Variants in RIMS4 observed in about 807,000 individuals in gnomAD.
RIMS4 encodes regulating synaptic membrane exocytosis 4.
Under a neutral mutation model 29.0 loss-of-function variants are expected in RIMS4, and 9 were observed. The ratio of observed to expected loss-of-function variants is 0.31; its 90% CI spans 0.19 to 0.54. The LOEUF (loss-of-function observed/expected upper bound fraction) is 0.54. Among genes scored for constraint, RIMS4 ranks in the 20% least tolerant of loss-of-function variants. The probability of loss-of-function intolerance (pLI) is 0.94; values close to 1 mark genes in which losing one functional copy is unlikely to be tolerated. For missense variants in RIMS4, 193 were observed against 365.7 expected, an observed-to-expected ratio of 0.53 and a Z score of 3.85; for synonymous variants, 130 against 152.9, an observed-to-expected ratio of 0.85 and a Z score of 1.10.
Position 44,771,368 on chromosome 20 carries a change from G to A in RIMS4, c.143C>T (p.Thr48Met), listed in dbSNP as rs760125744. ...LKGAIQRSTE[T>M]GLAVEMPSRT... The stretch of plus-strand genomic sequence containing the variant: ...GCTGGGCATCTCCACTGCCAGGCCC[G>A]TCTCCGTGCTCCTCTGGATGGCCCC... The change falls in exon 2 of 6, where the codon ACG becomes ATG. Residue 48 changes from threonine to methionine, a missense_variant. Transcript: ENST00000372851. The A allele has an allele frequency of 1.2e-6, 2 of 1,613,722 alleles. No homozygotes were observed. Among genetic ancestry groups the A allele is most frequent in the African/African-American group, 1.3e-5 (1 of 74,948 alleles).
At chr20:44,804,661 C>T (rs2066290903) in intron 1 of RIMS4, among the ~76,000 whole-genome samples, 1 of 152,210 alleles carries the variant, frequency 6.6e-6, no homozygotes, top group Non-Finnish European at 1.5e-5. Context: ...TTCACCCCCA[C>T]TCAGCCTTCA....
chr20:44,772,396 T>G (rs1199373538), intron 1 of RIMS4, among the ~76,000 whole-genome samples: 1 of 152,218 alleles, frequency 6.6e-6, no homozygotes, highest in African/African-American at 2.4e-5. Flanking sequence ...TTGTTCACTC[T>G]TGAAGCCTCA....
intron 1 of RIMS4, among the ~76,000 whole-genome samples, chr20:44,774,379 G>A (rs377283942): frequency 4.6e-5 from 7 of 152,250 alleles, no homozygotes; most frequent in Admixed American, 3.9e-4. Context: ...AGTGGACTGG[G>A]AAAGGCAGAC....
intron 1 of RIMS4, among the ~76,000 whole-genome samples, chr20:44,805,579 T>G (rs1008213875): frequency 6.6e-6 from 1 of 152,032 alleles, no homozygotes; most frequent in Non-Finnish European, 1.5e-5. Flanking sequence ...GTCCTGACCA[T>G]GAAGGATATT....
chr20:44,810,125 C>G (rs1435808467), intron 1 of RIMS4, 50 bp downstream of exon 1: 1 of 1,244,434 alleles, frequency 8.0e-7, no homozygotes, highest in African/African-American at 1.5e-5. Flanking sequence ...GGCTACCGGA[C>G]CTGGATCCCG....
intron 1 of RIMS4, among the ~76,000 whole-genome samples, chr20:44,803,628 T>C (rs1387500741): frequency 6.7e-6 from 1 of 148,368 alleles, no homozygotes; most frequent in Non-Finnish European, 1.5e-5. Flanking sequence ...GACATCAGCC[T>C]CCTCAGTTTC....
Position 44,786,129 on chromosome 20 carries a change from G to A in RIMS4, c.98-14716C>T, listed in dbSNP as rs141024077. Among the ~76,000 whole-genome samples, 18 of 152,312 alleles carry A rather than the reference G, an allele frequency of 1.2e-4. No individual in the cohort carries two copies. In the East Asian group the frequency reaches 3.5e-3, roughly 29 times the overall value. ...TGCCCTACAGCCCCCTTTGAGAAGAGGTAGCAGAATCCCTGCTCAGTGGCA... is the reference window on the plus strand; with the variant it reads ...TGCCCTACAGCCCCCTTTGAGAAGAAGTAGCAGAATCCCTGCTCAGTGGCA... On this transcript the variant is annotated intron_variant, in intron 1 of 5. Transcript: ENST00000372851.
At chr20:44,776,630 A>G (rs2066161301) in intron 1 of RIMS4, among the ~76,000 whole-genome samples, 1 of 152,248 alleles carries the variant, frequency 6.6e-6, no homozygotes, top group Non-Finnish European at 1.5e-5. Flanking sequence ...TCTCAGGGCT[A>G]TGTGAGCACT....
intron 2 of RIMS4, among the ~76,000 whole-genome samples, chr20:44,770,763 T>C (rs988418176): frequency 6.6e-6 from 1 of 152,250 alleles, no homozygotes; most frequent in South Asian, 2.1e-4. Flanking sequence ...AAAGCAGTAG[T>C]ATACATTTTT....
chr20:44,759,260 T>C (rs1008663685), intron 2 of RIMS4, among the ~76,000 whole-genome samples: 1 of 152,110 alleles, frequency 6.6e-6, no homozygotes. Context: ...GGTTTTTGTT[T>C]TTTTTTTGAG....
intron 1 of RIMS4, among the ~76,000 whole-genome samples, chr20:44,774,369 A>G (rs113812239): frequency 0.018 from 2,740 of 152,270 alleles, 95 homozygotes; most frequent in African/African-American, 0.062. Flanking sequence ...CATTTGAGTC[A>G]GTGGACTGGG....
chr20:44,789,107 TTA>T (rs1406430429), intron 1 of RIMS4, among the ~76,000 whole-genome samples: 2 of 148,734 alleles, frequency 1.3e-5, no homozygotes, highest in Admixed American at 6.7e-5. Context: ...CACAGCAAGG[TTA>T]TGTCATGTGT....
intron 1 of RIMS4, among the ~76,000 whole-genome samples, chr20:44,780,049 A>G (rs2066177185): frequency 1.3e-5 from 2 of 152,214 alleles, no homozygotes. Flanking sequence ...GAAGGAGGGG[A>G]AAAGGCCTGT....
At chr20:44,768,448 G>A (rs1568896977) in intron 2 of RIMS4, among the ~76,000 whole-genome samples, 1 of 152,228 alleles carries the variant, frequency 6.6e-6, no homozygotes, top group Non-Finnish European at 1.5e-5. Context: ...AGCCCAAGGG[G>A]TGGGGAGAAG....
At chr20:44,794,533 C>T (rs571262723) in intron 1 of RIMS4, among the ~76,000 whole-genome samples, 1 of 152,288 alleles carries the variant, frequency 6.6e-6, no homozygotes, top group Admixed American at 6.5e-5. Flanking sequence ...AGCTTCGTTC[C>T]AGAAATATAA....
At chr20:44,768,210 G>T (rs1235615542) in intron 2 of RIMS4, among the ~76,000 whole-genome samples, 2 of 152,232 alleles carry the variant, frequency 1.3e-5, no homozygotes, top group South Asian at 4.1e-4. Context: ...GTGCCCAAGA[G>T]TGGAAGCTCA....
In RIMS4 at chr20:44,753,463, TC is replaced by T. The variant is rs1285652957; in HGVS notation, c.*2670del. On this transcript the variant is annotated 3_prime_UTR_variant, in exon 6 of 6. Coordinates refer to ENST00000372851, the MANE Select transcript of RIMS4 (RefSeq NM_182970.4). Reference sequence around the variant, plus strand: ...TCTGGAGAAGGAGAGTGGAGATGGCTCCTTCCCATGGTATCCTGCATGTGAT... The same window carrying T: ...TCTGGAGAAGGAGAGTGGAGATGGCTCTTCCCATGGTATCCTGCATGTGAT... 1 of 152,158 alleles carries T rather than the reference TC, an allele frequency of 6.6e-6. No homozygotes were observed. Among genetic ancestry groups the T allele is most frequent in the Non-Finnish European group, 1.5e-5 (1 of 68,064 alleles). 9.4% of individuals were successfully genotyped at this position (152,158 alleles called of 1,614,324 possible). A position where few individuals can be genotyped will look rare whatever the true frequency, so the allele number is the denominator to read the frequency against.
intron 2 of RIMS4, among the ~76,000 whole-genome samples, chr20:44,768,435 A>C (rs888071170): frequency 6.6e-6 from 1 of 152,246 alleles, no homozygotes; most frequent in Admixed American, 6.5e-5. Context: ...CTGGGCTGGC[A>C]GAAGCCCAAG....
At chr20:44,807,026 C>T (rs372967566) in intron 1 of RIMS4, among the ~76,000 whole-genome samples, 144 of 152,086 alleles carry the variant, frequency 9.5e-4, no homozygotes, top group African/African-American at 2.2e-3. Flanking sequence ...ACCGAGGCCA[C>T]GTGTCTAACT....
Sources: gnomAD v4.1 joint callset for allele counts (sites outside exome capture counted in the v4.1 genomes callset) on GRCh38, gnomAD v4.1.1 for gene constraint, MANE v1.5 for transcripts, NCBI Gene and HGNC (gene_info 2026-07-23, HGNC 2026-07-21) for gene names.